Variants in DMD observed in about 807,000 individuals in gnomAD.
DMD encodes the protein dystrophin, also known as mutant dystrophin.
In DMD, 63 loss-of-function variants were observed where a neutral mutation model predicts 330.1. The ratio of observed to expected loss-of-function variants is 0.19; its 90% CI spans 0.16 to 0.24. DMD has a LOEUF of 0.24. Among genes scored for constraint, DMD ranks in the 10% least tolerant of loss-of-function variants. DMD has a pLI of 1.00. For synonymous variants in DMD, 1,223 were observed against 959.8 expected (o/e 1.27, Z -5.07); for missense variants, 3,344 against 2,684.1 (o/e 1.25, Z -5.43).
intron 55 of DMD, among the ~76,000 whole-genome samples, chrX:31,622,023 A>G (rs899506461): frequency 8.9e-6 from 1 of 111,742 alleles, no homozygotes; most frequent in Non-Finnish European, 1.9e-5. Context: ...TTGTGGGCAG[A>G]GATATTTTTA....
chrX:33,147,851 A>G, intron 1 of DMD, among the ~76,000 whole-genome samples: 1 of 112,214 alleles, frequency 8.9e-6, no homozygotes, highest in Admixed American at 9.5e-5. Context: ...CACTTAAAAT[A>G]TATCTTTTCT....
intron 20 of DMD, among the ~76,000 whole-genome samples, chrX:32,486,038 G>A: frequency 9.1e-6 from 1 of 110,133 alleles, no homozygotes; most frequent in Non-Finnish European, 1.9e-5. Flanking sequence ...ACCGCGCCCA[G>A]CCAATTGCCA....
At chrX:32,205,020 C>T (rs1488068154) in intron 44 of DMD, among the ~76,000 whole-genome samples, 11 of 80,043 alleles carry the variant, frequency 1.4e-4, no homozygotes, top group Non-Finnish European at 2.8e-4. Context: ...TACACACACA[C>T]ACACACACAC....
At chrX:32,683,299 A>G (rs755339610) in intron 9 of DMD, among the ~76,000 whole-genome samples, 1 of 110,777 alleles carries the variant, frequency 9.0e-6, no homozygotes, top group East Asian at 2.9e-4. Flanking sequence ...CTGGGTATAT[A>G]CCCAAAGGAT....
intron 43 of DMD, among the ~76,000 whole-genome samples, chrX:32,283,958 T>A (rs2097430068): frequency 9.1e-6 from 1 of 109,954 alleles, no homozygotes; most frequent in African/African-American, 3.3e-5. Flanking sequence ...ATTTAGATAC[T>A]TTTTTTTTGC....
chrX:33,128,015 A>G (rs1309098521), intron 1 of DMD: 2 of 1,147,825 alleles, frequency 1.7e-6, no homozygotes, highest in Non-Finnish European at 2.3e-6. Context: ...ATGGAACAGG[A>G]GTCATCCAAA....
intron 19 of DMD, among the ~76,000 whole-genome samples, chrX:32,497,653 G>C (rs1484721365): frequency 8.9e-6 from 1 of 111,809 alleles, no homozygotes; most frequent in East Asian, 2.8e-4. Flanking sequence ...AGGCTTTTTT[G>C]TGTTATGCCT....
chrX:31,348,208 T>C, intron 61 of DMD: 1 of 243,582 alleles, frequency 4.1e-6, no homozygotes, highest in South Asian at 5.9e-5. Flanking sequence ...CAGCAGCCCA[T>C]ATACTAACAT....
At chrX:31,587,959 C>T (rs1399009996) in intron 55 of DMD, among the ~76,000 whole-genome samples, 4 of 111,092 alleles carry the variant, frequency 3.6e-5, no homozygotes, top group Non-Finnish European at 3.8e-5. Flanking sequence ...CCCTCACCAG[C>T]GGCATCAAAA....
At chrX:31,176,822 C>T (rs780998093) in intron 71 of DMD, among the ~76,000 whole-genome samples, 40 of 111,034 alleles carry the variant, frequency 3.6e-4, no homozygotes, top group Non-Finnish European at 6.8e-4. Context: ...GGCGCAATAA[C>T]GAAGTTTTAA....
intron 44 of DMD, among the ~76,000 whole-genome samples, chrX:32,064,168 T>C (rs1004913605): frequency 7.2e-5 from 8 of 111,584 alleles, no homozygotes; most frequent in Non-Finnish European, 1.3e-4. Flanking sequence ...GCCTTAATTA[T>C]GTTTAATCTA....
intron 7 of DMD, among the ~76,000 whole-genome samples, chrX:32,808,088 G>A (rs1187742470): frequency 1.8e-5 from 2 of 111,566 alleles, no homozygotes; most frequent in African/African-American, 3.3e-5. Flanking sequence ...TGTGTACTAC[G>A]AGTCAATAGT....
At chrX:31,521,313 C>A (rs1424457354) in intron 55 of DMD, among the ~76,000 whole-genome samples, 6 of 110,639 alleles carry the variant, frequency 5.4e-5, no homozygotes, top group Non-Finnish European at 1.1e-4. Context: ...CAGGCACCTG[C>A]CACCATGCCC....
At position 32,495,538 on chromosome X, in the gene DMD, T is replaced by C. The variant is rs769005924; in HGVS notation, c.2381-4020A>G. On this transcript the variant is annotated intron_variant, in intron 19 of 78. Coordinates refer to ENST00000357033, the MANE Select transcript of DMD (RefSeq NM_004006.3). ...ACCGACACTGTCACATTACTTAATGTACCTCTCTTCAATTAAAATGAGAAA... is the reference window on the plus strand; with the variant it reads ...ACCGACACTGTCACATTACTTAATGCACCTCTCTTCAATTAAAATGAGAAA... Among the ~76,000 whole-genome samples, 16 of 111,877 alleles carry C rather than the reference T, an allele frequency of 1.4e-4. No individual in the cohort carries two copies. The South Asian group carries it at 1.9e-3, about 13-fold the overall frequency.
At chrX:31,830,637 A>G (rs2093004585) in intron 49 of DMD, among the ~76,000 whole-genome samples, 1 of 112,436 alleles carries the variant, frequency 8.9e-6, no homozygotes, top group Non-Finnish European at 1.9e-5. Flanking sequence ...GAAAAATGAA[A>G]AAAACAGTTT....
At chrX:32,448,339 G>A (rs2098314064) in intron 27 of DMD, 117 bp downstream of exon 27, 5 of 803,388 alleles carry the variant, frequency 6.2e-6, no homozygotes, top group Non-Finnish European at 9.3e-6. Context: ...ATAAGTGCCT[G>A]AATGAGGAAT....
chrX:31,540,005 C>T (rs983735180), intron 55 of DMD, among the ~76,000 whole-genome samples: 1 of 111,849 alleles, frequency 8.9e-6, no homozygotes, highest in Non-Finnish European at 1.9e-5. Flanking sequence ...TGACAATTGC[C>T]ACTCGGAAAC....
intron 18 of DMD, 52 bp from the exon 19 acceptor site, chrX:32,501,894 C>T: frequency 1.1e-6 from 1 of 931,634 alleles, no homozygotes; most frequent in Non-Finnish European, 1.5e-6. Context: ...TGTGAATCTA[C>T]ACAATAATTA....
intron 2 of DMD, among the ~76,000 whole-genome samples, chrX:32,915,599 T>A (rs1181200201): frequency 9.0e-6 from 1 of 111,640 alleles, no homozygotes; most frequent in Non-Finnish European, 1.9e-5. Context: ...AGTCACTTCT[T>A]TCTGGCCTTA....
Sources: allele counts gnomAD v4.1 joint callset (sites outside exome capture counted in the v4.1 genomes callset), GRCh38; gene constraint gnomAD v4.1.1; transcripts MANE v1.5; gene names NCBI Gene and HGNC (gene_info 2026-07-23, HGNC 2026-07-21).